Variants in ANKRD30B observed in about 807,000 individuals in gnomAD.
The protein encoded by ANKRD30B is ankyrin repeat domain-containing protein 30B.
Under a neutral mutation model 202.2 loss-of-function variants are expected in ANKRD30B, and 144 were observed. The ratio of observed to expected loss-of-function variants is 0.71; its 90% CI spans 0.62 to 0.82. The LOEUF (loss-of-function observed/expected upper bound fraction) is 0.82. Ranked by LOEUF, ANKRD30B falls within the 40% of genes least tolerant of loss-of-function variation. The pLI is 0.00. For missense variants in ANKRD30B, 1,487 were observed against 1,669.1 expected (o/e 0.89, Z 1.90); for synonymous variants, 508 against 561.3 (o/e 0.91, Z 1.34).
At chr18:14,920,218 G>A in the ANKRD30B span, among the ~76,000 whole-genome samples, 14 of 152,212 alleles carry the variant, frequency 9.2e-5, no homozygotes, top group African/African-American at 3.4e-4. Context: ...TGTAGGTACT[G>A]GGTGTTGTGT....
intron 37 of ANKRD30B, among the ~76,000 whole-genome samples, chr18:14,841,192 A>G (rs1254992653): frequency 6.6e-6 from 1 of 152,218 alleles, no homozygotes; most frequent in Non-Finnish European, 1.5e-5. Context: ...TATCTGCAGT[A>G]TGTGAATATA....
At chr18:14,878,437 C>G in the ANKRD30B span, among the ~76,000 whole-genome samples, 2 of 151,960 alleles carry the variant, frequency 1.3e-5, no homozygotes, top group Non-Finnish European at 2.9e-5. Context: ...CTATTAGATA[C>G]GGTCTTTGCC....
chr18:14,761,012 G>A (rs954920376), intron 6 of ANKRD30B, among the ~76,000 whole-genome samples: 1 of 152,008 alleles, frequency 6.6e-6, no homozygotes, highest in Non-Finnish European at 1.5e-5. Flanking sequence ...TGATTGATGA[G>A]CTCAGTAACA....
At chr18:14,844,122 A>T (rs1971534650) in intron 39 of ANKRD30B, among the ~76,000 whole-genome samples, 1 of 152,196 alleles carries the variant, frequency 6.6e-6, no homozygotes, top group Admixed American at 6.5e-5. Flanking sequence ...TGTAGAATTA[A>T]CTTTGGTTTT....
intron 22 of ANKRD30B, 102 bp downstream of exon 22, chr18:14,799,397 G>T (rs993670081): frequency 1.1e-5 from 13 of 1,158,754 alleles, no homozygotes; most frequent in East Asian, 2.6e-5. Context: ...TTTCAAAATT[G>T]GATGGGAAAA....
chr18:14,901,870 G>A, the ANKRD30B span, among the ~76,000 whole-genome samples: 1 of 152,134 alleles, frequency 6.6e-6, no homozygotes, highest in African/African-American at 2.4e-5. Context: ...GGAAGAACTG[G>A]CCTGATACGT....
At position 14,772,176 on chromosome 18, in the gene ANKRD30B, T is replaced by C. The variant is rs45578438; in HGVS notation, c.1277T>C (p.Ile426Thr). 6,022 of 1,505,358 alleles carry C rather than the reference T, an allele frequency of 4.0e-3. 15 individuals are homozygous for C. Among genetic ancestry groups the C allele is most frequent in the Non-Finnish European group, 5.1e-3 (5,691 of 1,119,348 alleles). The allele number at this position is 1,505,358 out of a possible 1,614,324, so 93.3% of individuals were successfully genotyped here. Residue 426 changes from isoleucine to threonine, a missense_variant, in exon 9 of 44, where the codon ATT (isoleucine) becomes ACT (threonine). By Grantham distance (89) the Ile-to-Thr change is moderately conservative. Transcript: ENST00000690538. Reference sequence around the variant, plus strand: ...TAAAGTCTTTTTGGCACACGGACTATTGAAAATTCACAGTGTACAAAAGTT... The same window carrying C: ...TAAAGTCTTTTTGGCACACGGACTACTGAAAATTCACAGTGTACAAAAGTT... ...PIFSLFGTRTIENSQCTKVEE... is the reference protein window; with the variant it reads ...PIFSLFGTRTTENSQCTKVEE...
At chr18:14,785,683 A>C (rs1459598512) in intron 14 of ANKRD30B, among the ~76,000 whole-genome samples, 3 of 152,192 alleles carry the variant, frequency 2.0e-5, no homozygotes, top group Non-Finnish European at 4.4e-5. Flanking sequence ...AAATGAGTGA[A>C]AATGGTGACT....
At chr18:14,909,617 A>C in the ANKRD30B span, among the ~76,000 whole-genome samples, 2 of 152,170 alleles carry the variant, frequency 1.3e-5, no homozygotes, top group African/African-American at 4.8e-5. Flanking sequence ...CATGTTGGCC[A>C]GGCTGGTCTC....
intron 24 of ANKRD30B, 148 bp downstream of exon 24, chr18:14,803,972 T>C: frequency 1.3e-6 from 1 of 742,736 alleles, no homozygotes; most frequent in Non-Finnish European, 2.0e-6. Flanking sequence ...AAGTTATACG[T>C]CTTATCATGT....
Position 14,851,195 on chromosome 18 carries a change from T to C in ANKRD30B, c.3565-314T>C, listed in dbSNP as rs1263698222. Among the ~76,000 whole-genome samples the C allele has an allele frequency of 1.3e-5, 2 of 151,724 alleles. 1 individual carries two copies. The highest frequency in any genetic ancestry group is 4.8e-5 in the African/African-American group (2 of 41,386). Reference sequence around the variant, plus strand: ...TTTTGTATGTAGTCAAATTGATTAATCTTTTATTTTATGCTTTTGAGCTTG... The same window carrying C: ...TTTTGTATGTAGTCAAATTGATTAACCTTTTATTTTATGCTTTTGAGCTTG... On this transcript the variant is annotated intron_variant, in intron 41 of 43. Coordinates refer to ENST00000690538, the MANE Select transcript of ANKRD30B (RefSeq NM_001367607.2).
intron 39 of ANKRD30B, among the ~76,000 whole-genome samples, chr18:14,846,104 G>T (rs1445980610): frequency 6.7e-6 from 1 of 150,180 alleles, no homozygotes; most frequent in African/African-American, 2.5e-5. Flanking sequence ...GGTAAAAGTC[G>T]AAGTTATTTA....
the ANKRD30B span, among the ~76,000 whole-genome samples, chr18:14,900,664 T>A: frequency 6.6e-5 from 10 of 152,306 alleles, no homozygotes; most frequent in African/African-American, 2.4e-4. Flanking sequence ...CATTTCCCAG[T>A]CTTTGTTACA....
At chr18:14,780,967 G>A (rs1967696075) in intron 11 of ANKRD30B, among the ~76,000 whole-genome samples, 1 of 53,048 alleles carries the variant, frequency 1.9e-5, no homozygotes, top group African/African-American at 6.3e-5. Flanking sequence ...TAATAATGAT[G>A]TGTAGTCCAA....
intron 32 of ANKRD30B, among the ~76,000 whole-genome samples, chr18:14,824,698 G>A (rs546042315): frequency 2.6e-5 from 4 of 152,182 alleles, no homozygotes; most frequent in Non-Finnish European, 5.9e-5. Context: ...TATTTGAGCA[G>A]GGGAGTCCCA....
chr18:14,753,331 T>C lies in ANKRD30B; in HGVS notation c.510+319T>C, dbSNP rs188296014. Among the ~76,000 whole-genome samples, 43 of 152,290 alleles carry C rather than the reference T, an allele frequency of 2.8e-4. No individual in the cohort carries two copies. In the East Asian group the frequency reaches 6.9e-3, roughly 25 times the overall value. ...GAAAGCAAAATTTGCCTGTGTAAAT[T>C]GAGTCAACATGTAAAATTTAGGATA... On this transcript the variant is annotated intron_variant, in intron 3 of 43. Transcript: ENST00000690538.
chr18:14,869,793 G>C, the ANKRD30B span, among the ~76,000 whole-genome samples: 37 of 152,058 alleles, frequency 2.4e-4, no homozygotes, highest in African/African-American at 8.9e-4. Context: ...ACATTCTTTA[G>C]TATGAACTAT....
intron 24 of ANKRD30B, among the ~76,000 whole-genome samples, chr18:14,806,450 C>G (rs1969520402): frequency 6.6e-6 from 1 of 150,958 alleles, no homozygotes; most frequent in Admixed American, 6.6e-5. Context: ...GCTCACTAAT[C>G]TTTAGAGCCA....
the ANKRD30B span, among the ~76,000 whole-genome samples, chr18:14,933,746 T>TGAAA: frequency 6.6e-6 from 1 of 151,326 alleles, no homozygotes; most frequent in Non-Finnish European, 1.5e-5. Context: ...GAGAGGTGTT[T>TGAAA]GACTCAGAGG....
Sources: allele counts gnomAD v4.1 joint callset (sites outside exome capture counted in the v4.1 genomes callset), GRCh38; gene constraint gnomAD v4.1.1; transcripts MANE v1.5; gene names NCBI Gene and HGNC (gene_info 2026-07-23, HGNC 2026-07-21).